Variants in MAPK4 observed in about 807,000 individuals in gnomAD.
MAPK4 encodes mitogen-activated protein kinase 4.
Under a neutral mutation model 47.7 loss-of-function variants are expected in MAPK4, and 22 were observed. The ratio of observed to expected loss-of-function variants is 0.46; its 90% confidence interval spans 0.33 to 0.66. The LOEUF (loss-of-function observed/expected upper bound fraction) is 0.66, where lower values mean the gene tolerates loss of function less well. Ranked by LOEUF, MAPK4 falls within the 30% of genes least tolerant of loss-of-function variation. The pLI is 0.02. For synonymous variants in MAPK4, 390 were observed against 365.7 expected (o/e 1.07, Z -0.76); for missense variants, 736 against 831.7 (o/e 0.88, Z 1.42).
intron 1 of MAPK4, among the ~76,000 whole-genome samples, chr18:50,560,934 A>T (rs2042148363): frequency 1.3e-5 from 2 of 152,316 alleles, no homozygotes; most frequent in South Asian, 4.1e-4. Context: ...AAGCAATCGG[A>T]AGTCAGGCCG....
At chr18:50,661,557 A>G (rs1354936995) in intron 1 of MAPK4, among the ~76,000 whole-genome samples, 2 of 152,194 alleles carry the variant, frequency 1.3e-5, no homozygotes, top group Admixed American at 1.3e-4. Flanking sequence ...TCTCAGTGGA[A>G]GTGCTGTTGG....
intron 3 of MAPK4, among the ~76,000 whole-genome samples, chr18:50,716,169 C>T (rs1910625727): frequency 6.6e-6 from 1 of 152,186 alleles, no homozygotes; most frequent in Non-Finnish European, 1.5e-5. Flanking sequence ...TCTTCACTCC[C>T]TCTCTTCCAT....
At chr18:50,716,163 C>T (rs542107686) in intron 3 of MAPK4, among the ~76,000 whole-genome samples, 146 of 152,256 alleles carry the variant, frequency 9.6e-4, no homozygotes, top group Middle Eastern at 3.4e-3. Flanking sequence ...TTGCTCTCTT[C>T]ACTCCCTCTC....
At chr18:50,598,458 GA>G (rs781698048) in intron 1 of MAPK4, among the ~76,000 whole-genome samples, 3 of 151,546 alleles carry the variant, frequency 2.0e-5, no homozygotes, top group Non-Finnish European at 1.5e-5. Context: ...GCCTGGCTAG[GA>G]AAAAAAATCA....
At chr18:50,712,277 AT>A (rs1910410313) in intron 2 of MAPK4, among the ~76,000 whole-genome samples, 1 of 152,090 alleles carries the variant, frequency 6.6e-6, no homozygotes, top group Admixed American at 6.5e-5. Flanking sequence ...ACATACAAAA[AT>A]TAACTGGGTG....
At chr18:50,711,565 C>T (rs990415851) in intron 2 of MAPK4, among the ~76,000 whole-genome samples, 6 of 152,220 alleles carry the variant, frequency 3.9e-5, no homozygotes, top group Admixed American at 6.5e-5. Flanking sequence ...CGTGCAGACG[C>T]ACCCACTTGT....
chr18:50,692,458 G>A (rs1457397263), intron 2 of MAPK4, among the ~76,000 whole-genome samples: 4 of 152,150 alleles, frequency 2.6e-5, no homozygotes, highest in African/African-American at 7.2e-5. Flanking sequence ...GCAGGGACGA[G>A]CCCTGGTTCT....
chr18:50,656,172 C>T (rs182268210), intron 1 of MAPK4, among the ~76,000 whole-genome samples: 47 of 152,302 alleles, frequency 3.1e-4, no homozygotes, highest in African/African-American at 1.0e-3. Flanking sequence ...AGTTAGCTAT[C>T]GCTGTATAAC....
At chr18:50,586,492 G>A (rs1460816392) in intron 1 of MAPK4, among the ~76,000 whole-genome samples, 2 of 151,878 alleles carry the variant, frequency 1.3e-5, no homozygotes, top group African/African-American at 4.8e-5. Context: ...CAGCCTGGGT[G>A]TGAATTCCAG....
intron 2 of MAPK4, among the ~76,000 whole-genome samples, chr18:50,681,733 G>A (rs1251920845): frequency 6.6e-6 from 1 of 152,128 alleles, no homozygotes; most frequent in Non-Finnish European, 1.5e-5. Context: ...ATAAATGTAA[G>A]AGTTATTTCT....
intron 2 of MAPK4, among the ~76,000 whole-genome samples, chr18:50,670,707 A>G (rs776213944): frequency 1.3e-5 from 2 of 151,188 alleles, no homozygotes; most frequent in Non-Finnish European, 2.9e-5. Context: ...CATTGAGCCA[A>G]GATCACACCA....
intron 3 of MAPK4, 34 bp from the exon 4 acceptor site, chr18:50,721,904 C>A: frequency 6.2e-7 from 1 of 1,612,078 alleles, no homozygotes; most frequent in African/African-American, 1.3e-5. Context: ...GCCCCTTGGA[C>A]AGCACACTTA....
At chr18:50,617,838 T>C (rs1402391706) in intron 1 of MAPK4, among the ~76,000 whole-genome samples, 2 of 152,228 alleles carry the variant, frequency 1.3e-5, no homozygotes, top group Non-Finnish European at 2.9e-5. Context: ...TGTTCTTGCT[T>C]ATAAAAGTCT....
chr18:50,683,324 T>C (rs879685254), intron 2 of MAPK4, among the ~76,000 whole-genome samples: 3 of 152,046 alleles, frequency 2.0e-5, no homozygotes, highest in Non-Finnish European at 2.9e-5. Context: ...AGTCTCACCA[T>C]GTTGGCCAGG....
chr18:50,572,961 TA>T, intron 1 of MAPK4, among the ~76,000 whole-genome samples: 1 of 152,188 alleles, frequency 6.6e-6, no homozygotes, highest in Non-Finnish European at 1.5e-5. Context: ...CAGTAATGGA[TA>T]CCTAGAAAAG....
At chr18:50,689,075 A>G (rs1012188774) in intron 2 of MAPK4, among the ~76,000 whole-genome samples, 2 of 150,982 alleles carry the variant, frequency 1.3e-5, no homozygotes, top group Non-Finnish European at 2.9e-5. Context: ...CCTGGCCAAC[A>G]TGGCAAAACC....
At chr18:50,582,708 G>A (rs1249367778) in intron 1 of MAPK4, among the ~76,000 whole-genome samples, 1 of 152,238 alleles carries the variant, frequency 6.6e-6, no homozygotes, top group Non-Finnish European at 1.5e-5. Context: ...CTTGGCTTGT[G>A]CCCTGGCCCA....
At chr18:50,559,821 C>T (rs1453921215), upstream of MAPK4, among the ~76,000 whole-genome samples, 6 of 151,338 alleles carry the variant, frequency 4.0e-5, no homozygotes, top group Non-Finnish European at 7.4e-5. Flanking sequence ...CCAGGCTACC[C>T]GGGACGGGGC....
At chr18:50,648,863 G>A (rs2043017686) in intron 1 of MAPK4, among the ~76,000 whole-genome samples, 1 of 152,306 alleles carries the variant, frequency 6.6e-6, no homozygotes, top group South Asian at 2.1e-4. Context: ...GACTGTCCCA[G>A]GCCTTACTCC....
Sources: gnomAD v4.1 joint callset for allele counts (sites outside exome capture counted in the v4.1 genomes callset) on GRCh38, gnomAD v4.1.1 for gene constraint, MANE v1.5 for transcripts, NCBI Gene and HGNC (gene_info 2026-07-23, HGNC 2026-07-21) for gene names.